ANKS1B: variants seen among roughly 807,000 people sequenced by gnomAD.
The protein encoded by ANKS1B is ankyrin repeat and sterile alpha motif domain containing 1B.
A neutral mutation model predicts 148.3 loss-of-function variants in ANKS1B; 36 were observed. That is an observed-to-expected ratio of 0.24 (90% CI 0.19 to 0.32). The LOEUF (loss-of-function observed/expected upper bound fraction) is 0.32, where lower values mean the gene tolerates loss of function less well. ANKS1B is among the 10% of genes least tolerant of loss of function. ANKS1B has a pLI of 1.00. For synonymous variants in ANKS1B, 542 were observed against 560.8 expected (o/e 0.97, Z 0.47); for missense variants, 1,157 against 1,542.6 (o/e 0.75, Z 4.19).
intron 12 of ANKS1B, among the ~76,000 whole-genome samples, chr12:99,285,180 T>C (rs573154335): frequency 6.6e-6 from 1 of 152,322 alleles, no homozygotes; most frequent in South Asian, 2.1e-4. Context: ...TAGGTAAGTT[T>C]AGCTTTTCTA....
At chr12:99,123,270 G>A (rs969961467) in intron 15 of ANKS1B, among the ~76,000 whole-genome samples, 3 of 152,032 alleles carry the variant, frequency 2.0e-5, no homozygotes, top group African/African-American at 7.2e-5. Flanking sequence ...TTGATATGGT[G>A]ACATTAGAGC....
At chr12:98,894,307 G>C (rs2099758883) in intron 17 of ANKS1B, among the ~76,000 whole-genome samples, 1 of 151,830 alleles carries the variant, frequency 6.6e-6, no homozygotes, top group Admixed American at 6.6e-5. Flanking sequence ...CAAACCATTT[G>C]GAGAGACACC....
chr12:99,452,917 G>T (rs1245955369), intron 10 of ANKS1B, among the ~76,000 whole-genome samples: 1 of 152,164 alleles, frequency 6.6e-6, no homozygotes, highest in Non-Finnish European at 1.5e-5. Context: ...TCCCAATTGA[G>T]CCCCACCTCA....
intron 17 of ANKS1B, among the ~76,000 whole-genome samples, chr12:99,039,913 T>C (rs1295700994): frequency 6.6e-6 from 1 of 152,214 alleles, no homozygotes; most frequent in East Asian, 1.9e-4. Flanking sequence ...CAGATCAGAC[T>C]AGTTCACAGT....
rs939000014 is a variant in ANKS1B at position 99,374,664 on chromosome 12, T to G, written c.1756+24967A>C. On this transcript the variant is annotated intron_variant, in intron 12 of 26. Coordinates refer to ENST00000683438, the MANE Select transcript of ANKS1B (RefSeq NM_001352186.2). Reference sequence around the variant, plus strand: ...TGTTTTAGTAACCAGAAATATGCCATAGAAGCTACAATTTTCTAGCTGAAC... The same window carrying G: ...TGTTTTAGTAACCAGAAATATGCCAGAGAAGCTACAATTTTCTAGCTGAAC... Among the ~76,000 whole-genome samples, 3 of 152,228 alleles carry G rather than the reference T, an allele frequency of 2.0e-5. No homozygotes were observed. The South Asian group carries it at 6.2e-4, about 32-fold the overall frequency.
chr12:99,743,669 C>T (rs758049409), intron 8 of ANKS1B, among the ~76,000 whole-genome samples: 1 of 152,070 alleles, frequency 6.6e-6, no homozygotes, highest in Admixed American at 6.6e-5. Context: ...ACTGTGAGAG[C>T]AGGTGAAATA....
At chr12:99,698,435 T>C (rs2054263597) in intron 8 of ANKS1B, among the ~76,000 whole-genome samples, 1 of 152,014 alleles carries the variant, frequency 6.6e-6, no homozygotes, top group African/African-American at 2.4e-5. Context: ...TGTACATGTG[T>C]TAAAAATGAG....
intron 18 of ANKS1B, chr12:98,831,667 T>C: frequency 5.3e-6 from 1 of 188,920 alleles, no homozygotes; most frequent in Admixed American, 5.7e-5. Flanking sequence ...TCTACACAGA[T>C]ATGGTAAACT....
intron 1 of ANKS1B, among the ~76,000 whole-genome samples, chr12:99,879,430 T>C (rs980930079): frequency 1.3e-5 from 2 of 152,200 alleles, no homozygotes; most frequent in African/African-American, 4.8e-5. Context: ...TGGCAGTTGT[T>C]AGTGCCTAGT....
intron 1 of ANKS1B, among the ~76,000 whole-genome samples, chr12:99,925,317 A>C (rs1220102135): frequency 6.6e-6 from 1 of 152,182 alleles, no homozygotes; most frequent in Non-Finnish European, 1.5e-5. Context: ...GATGAGATTC[A>C]AATCTCTGGA....
chr12:99,209,226 G>T (rs1427122787), intron 14 of ANKS1B, among the ~76,000 whole-genome samples: 1 of 152,150 alleles, frequency 6.6e-6, no homozygotes, highest in Non-Finnish European at 1.5e-5. Context: ...CTCGGAAAGA[G>T]CCCAAGTGGT....
rs77368847 is a variant in ANKS1B at position 98,949,305 on chromosome 12, G to A, written c.2778+103852C>T. 7.9e-3 allele frequency among the ~76,000 whole-genome samples: 1,198 copies of A among 152,246 alleles called. 9 individuals carry two copies. The highest frequency in any genetic ancestry group is 0.058 in the East Asian group (299 of 5,162). On this transcript the variant is annotated intron_variant, in intron 17 of 26. Transcript: ENST00000683438. Reference sequence around the variant, plus strand: ...AAGCCCAAAGAGCTTGGGAAACCATGAAGACTAGGCCTCACAACTGCAGTT... The same window carrying A: ...AAGCCCAAAGAGCTTGGGAAACCATAAAGACTAGGCCTCACAACTGCAGTT...
At chr12:99,857,460 G>A (rs1297050822) in intron 1 of ANKS1B, among the ~76,000 whole-genome samples, 9 of 151,818 alleles carry the variant, frequency 5.9e-5, no homozygotes, top group South Asian at 2.1e-4. Flanking sequence ...ATGACCATAC[G>A]GCCAATAGCA....
At chr12:99,284,049 T>C (rs533917279) in intron 12 of ANKS1B, among the ~76,000 whole-genome samples, 4 of 152,306 alleles carry the variant, frequency 2.6e-5, no homozygotes, top group African/African-American at 9.6e-5. Context: ...GATTATCTTT[T>C]ACAACAAGAA....
At chr12:99,810,114 AGTCC>A (rs939865719) in intron 3 of ANKS1B, among the ~76,000 whole-genome samples, 1 of 152,074 alleles carries the variant, frequency 6.6e-6, no homozygotes, top group African/African-American at 2.4e-5. Context: ...CTGGAGTCAA[AGTCC>A]TGAGTCTCAG....
chr12:99,227,392 G>C (rs1435690391), intron 14 of ANKS1B, among the ~76,000 whole-genome samples: 1 of 152,156 alleles, frequency 6.6e-6, no homozygotes, highest in Non-Finnish European at 1.5e-5. Flanking sequence ...GCAGAACCGT[G>C]AGCCAATTAA....
chr12:99,415,819 GA>G (rs2094885065), intron 11 of ANKS1B, among the ~76,000 whole-genome samples: 1 of 152,048 alleles, frequency 6.6e-6, no homozygotes, highest in South Asian at 2.1e-4. Context: ...AAGTAGCTGG[GA>G]CTACAGGCGC....
At chr12:98,970,138 T>C (rs2099881939) in intron 17 of ANKS1B, among the ~76,000 whole-genome samples, 1 of 152,236 alleles carries the variant, frequency 6.6e-6, no homozygotes, top group African/African-American at 2.4e-5. Flanking sequence ...TGGGCACAAC[T>C]CTTCTCAATA....
chr12:98,795,678 A>C (rs958909595), intron 22 of ANKS1B: 16 of 447,874 alleles, frequency 3.6e-5, no homozygotes, highest in Admixed American at 2.0e-4. Context: ...AGTGAAAAAA[A>C]CAAAACAAAA....
Sources: gnomAD v4.1 joint callset for allele counts (sites outside exome capture counted in the v4.1 genomes callset) on GRCh38, gnomAD v4.1.1 for gene constraint, MANE v1.5 for transcripts, NCBI Gene and HGNC (gene_info 2026-07-23, HGNC 2026-07-21) for gene names.